PDSS2: variants seen among roughly 807,000 people sequenced by gnomAD.
PDSS2 encodes decaprenyl diphosphate synthase subunit 2.
In PDSS2, 31 loss-of-function variants were observed where a neutral mutation model predicts 44.5. That is an observed-to-expected ratio of 0.70 (90% CI 0.52 to 0.94). The LOEUF (loss-of-function observed/expected upper bound fraction) is 0.94, where lower values mean the gene tolerates loss of function less well. Ranked by LOEUF, PDSS2 falls within the 40% of genes least tolerant of loss-of-function variation. PDSS2 has a pLI of 0.00. For synonymous variants in PDSS2, 157 were observed against 180.3 expected, an observed-to-expected ratio of 0.87 and a Z score of 1.03; for missense variants, 452 against 482.2, an observed-to-expected ratio of 0.94 and a Z score of 0.59.
intron 2 of PDSS2, among the ~76,000 whole-genome samples, chr6:107,276,405 G>C (rs1775784881): frequency 6.6e-6 from 1 of 152,194 alleles, no homozygotes; most frequent in African/African-American, 2.4e-5. Context: ...TGGATAGACG[G>C]TGGTGTGTGG....
chr6:107,253,288 C>T (rs545276968), intron 3 of PDSS2, among the ~76,000 whole-genome samples: 11 of 152,262 alleles, frequency 7.2e-5, no homozygotes, highest in Admixed American at 7.2e-4. Context: ...CCGCCCGCCT[C>T]GGCCTCCCAA....
intron 3 of PDSS2, among the ~76,000 whole-genome samples, chr6:107,269,282 T>C (rs1775511880): frequency 6.6e-6 from 1 of 151,998 alleles, no homozygotes; most frequent in African/African-American, 2.4e-5. Context: ...TTCTTTTCAA[T>C]GTTTTGCCAA....
chr6:107,220,030 A>G (rs977015030), intron 4 of PDSS2, among the ~76,000 whole-genome samples: 1 of 152,206 alleles, frequency 6.6e-6, no homozygotes, highest in African/African-American at 2.4e-5. Context: ...ACATATTTGT[A>G]TAATTCCATT....
chr6:107,391,418 G>GT (rs1779777196), intron 1 of PDSS2, among the ~76,000 whole-genome samples: 1 of 152,088 alleles, frequency 6.6e-6, no homozygotes, highest in African/African-American at 2.4e-5. Context: ...ACTGTCTACT[G>GT]TAAGTATAAG....
intron 5 of PDSS2, among the ~76,000 whole-genome samples, chr6:107,211,709 T>C (rs1773221260): frequency 2.2e-5 from 3 of 136,388 alleles, no homozygotes. Context: ...CACTCCAGCC[T>C]GGGTGACAGA....
At chr6:107,257,597 A>G (rs1316032634) in intron 3 of PDSS2, among the ~76,000 whole-genome samples, 2 of 152,088 alleles carry the variant, frequency 1.3e-5, no homozygotes, top group Non-Finnish European at 2.9e-5. Context: ...AAATACTCCA[A>G]TCTATAAAGA....
intron 7 of PDSS2, among the ~76,000 whole-genome samples, chr6:107,162,779 A>C (rs1025294116): frequency 4.0e-5 from 6 of 151,390 alleles, no homozygotes; most frequent in Admixed American, 6.6e-5. Flanking sequence ...TAATTTATGT[A>C]TTTTTAGTAG....
At chr6:107,226,837 T>C (rs1773842091) in intron 4 of PDSS2, among the ~76,000 whole-genome samples, 1 of 150,246 alleles carries the variant, frequency 6.7e-6, no homozygotes, top group Admixed American at 6.7e-5. Flanking sequence ...GCCTAGCTAA[T>C]TTTTTCTGTA....
At chr6:107,310,976 G>A (rs1306599083) in intron 2 of PDSS2, among the ~76,000 whole-genome samples, 1 of 148,650 alleles carries the variant, frequency 6.7e-6, no homozygotes, top group Admixed American at 6.7e-5. Flanking sequence ...GGAGTACAGT[G>A]TTGTGATCTC....
intron 1 of PDSS2, among the ~76,000 whole-genome samples, chr6:107,412,237 T>A (rs1185103686): frequency 7.7e-6 from 1 of 129,928 alleles, no homozygotes; most frequent in African/African-American, 2.9e-5. Flanking sequence ...TTTGCTCTTT[T>A]TTTTTTTTTT....
chr6:107,211,342 T>C (rs1220430684), intron 5 of PDSS2, among the ~76,000 whole-genome samples: 1 of 152,044 alleles, frequency 6.6e-6, no homozygotes, highest in Non-Finnish European at 1.5e-5. Flanking sequence ...AGATTTCATA[T>C]GCCCATTCAA....
intron 1 of PDSS2, among the ~76,000 whole-genome samples, chr6:107,415,903 T>C (rs942886398): frequency 6.6e-6 from 1 of 152,126 alleles, no homozygotes; most frequent in East Asian, 1.9e-4. Context: ...CTGCAGGAGG[T>C]TGTTTCAGAA....
At chr6:107,375,123 C>A (rs1317153219) in intron 1 of PDSS2, among the ~76,000 whole-genome samples, 1 of 151,212 alleles carries the variant, frequency 6.6e-6, no homozygotes, top group Non-Finnish European at 1.5e-5. Context: ...GTATTAAATG[C>A]TTATATTAGA....
At chr6:107,402,437 T>TATACAC (rs1554276766) in intron 1 of PDSS2, among the ~76,000 whole-genome samples, 1 of 125,928 alleles carries the variant, frequency 7.9e-6, no homozygotes. Context: ...AATATATATA[T>TATACAC]ACACACACAC....
chr6:107,395,828 T>C (rs1417097900), intron 1 of PDSS2, among the ~76,000 whole-genome samples: 1 of 152,224 alleles, frequency 6.6e-6, no homozygotes, highest in Non-Finnish European at 1.5e-5. Context: ...GTATGCCAAG[T>C]AGTTGATTTT....
At chr6:107,194,342 T>G (rs375858472) in intron 6 of PDSS2, among the ~76,000 whole-genome samples, 1 of 152,240 alleles carries the variant, frequency 6.6e-6, no homozygotes, top group Non-Finnish European at 1.5e-5. Flanking sequence ...TTATTTATTA[T>G]TATCATTTCT....
In PDSS2 at chr6:107,310,284, CAAAAAAAAAAA is replaced by C. The variant is rs58991885; in HGVS notation, c.431+23903_431+23913del. Among the ~76,000 whole-genome samples, 17 of 90,252 alleles carry C rather than the reference CAAAAAAAAAAA, an allele frequency of 1.9e-4. 1 individual carries two copies. In the East Asian group the frequency reaches 5.5e-3, roughly 29 times the overall value. 59.2% of individuals were successfully genotyped at this position (90,252 alleles called of 152,430 possible). On this transcript the variant is annotated intron_variant, in intron 2 of 7. Coordinates refer to ENST00000369037, the MANE Select transcript of PDSS2 (RefSeq NM_020381.4). ...TGGGCGACAGAGCAAGACTCCATCC[CAAAAAAAAAAA>C]AAAAAAAAAAGAGAAAGAAATGCAA...
chr6:107,431,480 C>A (rs536182730), intron 1 of PDSS2, among the ~76,000 whole-genome samples: 1 of 152,152 alleles, frequency 6.6e-6, no homozygotes, highest in Non-Finnish European at 1.5e-5. Flanking sequence ...GAACTCTGGG[C>A]TCATGCGAAC....
chr6:107,379,640 C>A (rs1779395941), intron 1 of PDSS2, among the ~76,000 whole-genome samples: 1 of 152,060 alleles, frequency 6.6e-6, no homozygotes, highest in Non-Finnish European at 1.5e-5. Flanking sequence ...GAAGTGTGTT[C>A]TTCCTCATGT....
Sources: gnomAD v4.1 joint callset for allele counts (sites outside exome capture counted in the v4.1 genomes callset) on GRCh38, gnomAD v4.1.1 for gene constraint, MANE v1.5 for transcripts, NCBI Gene and HGNC (gene_info 2026-07-23, HGNC 2026-07-21) for gene names.